The following PRLR variants were observed in gnomAD, a reference collection of about 807,000 sequenced individuals.
PRLR encodes prolactin receptor.
Under a neutral mutation model 40.2 loss-of-function variants are expected in PRLR, and 13 were observed. The observed-to-expected ratio is 0.32, with a 90% CI of 0.21 to 0.51. The LOEUF (loss-of-function observed/expected upper bound fraction) is 0.51. Ranked by LOEUF, PRLR falls within the 20% of genes least tolerant of loss-of-function variation. PRLR has a pLI of 0.97. For synonymous variants in PRLR, 269 were observed against 278.7 expected (o/e 0.97, Z 0.35); for missense variants, 656 against 747.3 (o/e 0.88, Z 1.42).
chr5:35,229,935 A>T (rs1440321065), intron 1 of PRLR, among the ~76,000 whole-genome samples: 3 of 152,144 alleles, frequency 2.0e-5, no homozygotes. Context: ...ATGCTCAAGG[A>T]TACAGGTGAA....
At chr5:35,082,688 C>A (rs1206043078) in intron 5 of PRLR, among the ~76,000 whole-genome samples, 2 of 152,182 alleles carry the variant, frequency 1.3e-5, no homozygotes, top group African/African-American at 4.8e-5. Flanking sequence ...GAGCAATTAT[C>A]TTTCAATGTT....
At chr5:35,169,475 T>C (rs901616124) in intron 1 of PRLR, among the ~76,000 whole-genome samples, 1 of 152,216 alleles carries the variant, frequency 6.6e-6, no homozygotes, top group Non-Finnish European at 1.5e-5. Flanking sequence ...ATTCTAATGA[T>C]GTAAATTAAT....
Position 35,065,104 on chromosome 5 carries a change from T to G in PRLR, c.1854A>C (p.Thr618=). Reference sequence around the variant, plus strand: ...AGTCAAGCTATCAGTGAAAGGAGTGTGTAAAACATGCGGGATCCAGGTAAT... The same window carrying G: ...AGTCAAGCTATCAGTGAAAGGAGTGGGTAAAACATGCGGGATCCAGGTAAT... ...GLDYLDPACF[T]HSFH is the part of the protein sequence containing the mutation. Residue 618 remains threonine (T), a synonymous_variant, in exon 10 of 10, where the codon ACA becomes ACC. Transcript: ENST00000618457. 6.2e-7 allele frequency: 1 copy of G among 1,612,544 alleles called. No individual in the cohort carries two copies. The highest frequency in any genetic ancestry group is 8.5e-7 in the Non-Finnish European group (1 of 1,178,870).
chr5:35,090,789 CTCTTTTTTTTTTTTTTTTTTT>C (rs1771151506), intron 2 of PRLR, among the ~76,000 whole-genome samples: 1 of 105,066 alleles, frequency 9.5e-6, no homozygotes, highest in South Asian at 3.6e-4. Flanking sequence ...CATCAATTAG[CTCTTTTTTTTTTTTTTTTTTT>C]TTTTTTTTTT....
At chr5:35,190,309 C>T (rs916943879) in intron 1 of PRLR, among the ~76,000 whole-genome samples, 7 of 152,048 alleles carry the variant, frequency 4.6e-5, no homozygotes, top group Non-Finnish European at 7.4e-5. Flanking sequence ...AACTACAGTA[C>T]TAAAAATAAT....
intron 5 of PRLR, 80 bp downstream of exon 5, chr5:35,084,390 A>T: frequency 7.3e-7 from 1 of 1,371,710 alleles, no homozygotes; most frequent in Middle Eastern, 1.9e-4. Context: ...TCCAAAACCC[A>T]AGAAGACTCA....
intron 3 of PRLR, among the ~76,000 whole-genome samples, chr5:35,086,917 C>T (rs910636325): frequency 6.6e-6 from 1 of 152,146 alleles, no homozygotes; most frequent in African/African-American, 2.4e-5. Flanking sequence ...TTCACTACAT[C>T]GCTAAAGCTC....
chr5:35,185,309 A>G (rs573047775), intron 1 of PRLR, among the ~76,000 whole-genome samples: 1 of 152,320 alleles, frequency 6.6e-6, no homozygotes, highest in Non-Finnish European at 1.5e-5. Context: ...TATACAAGGA[A>G]TGAAATTCTC....
chr5:35,147,368 A>G (rs899323464), intron 1 of PRLR, among the ~76,000 whole-genome samples: 9 of 152,182 alleles, frequency 5.9e-5, no homozygotes, highest in African/African-American at 1.7e-4. Context: ...GAGGTCTGCT[A>G]TATTTCCATC....
intron 1 of PRLR, among the ~76,000 whole-genome samples, chr5:35,161,915 C>T (rs1009482029): frequency 1.2e-4 from 18 of 152,216 alleles, no homozygotes; most frequent in African/African-American, 4.1e-4. Flanking sequence ...AGTTCTTTTC[C>T]AAAAGTCTTG....
intron 1 of PRLR, among the ~76,000 whole-genome samples, chr5:35,217,646 G>A (rs550174782): frequency 5.8e-4 from 89 of 152,292 alleles, no homozygotes; most frequent in African/African-American, 1.9e-3. Flanking sequence ...CTGGAGGACA[G>A]GAGAGGGGGA....
chr5:35,131,452 G>A (rs1195311674), intron 1 of PRLR, among the ~76,000 whole-genome samples: 3 of 152,178 alleles, frequency 2.0e-5, no homozygotes, highest in Non-Finnish European at 4.4e-5. Flanking sequence ...TGCTGGTCCA[G>A]TGGCAGTGGG....
At chr5:35,125,031 G>C (rs1032732020) in intron 1 of PRLR, among the ~76,000 whole-genome samples, 4 of 152,172 alleles carry the variant, frequency 2.6e-5, no homozygotes, top group African/African-American at 7.2e-5. Flanking sequence ...TCTATATCTA[G>C]AGTGGGTTAC....
At chr5:35,087,220 G>A (rs976676325) in intron 3 of PRLR, among the ~76,000 whole-genome samples, 1 of 152,032 alleles carries the variant, frequency 6.6e-6, no homozygotes, top group African/African-American at 2.4e-5. Context: ...TTGAACTCCT[G>A]ACCTCGTGCT....
At chr5:35,228,052 A>T (rs1387335349) in intron 1 of PRLR, among the ~76,000 whole-genome samples, 24 of 152,170 alleles carry the variant, frequency 1.6e-4, no homozygotes, top group Admixed American at 1.6e-3. Flanking sequence ...CTAGACCAGA[A>T]CTAATTTTAC....
intron 1 of PRLR, among the ~76,000 whole-genome samples, chr5:35,150,581 A>G (rs1158039688): frequency 6.6e-6 from 1 of 152,196 alleles, no homozygotes; most frequent in Non-Finnish European, 1.5e-5. Context: ...GAATTAAACC[A>G]TCTACATTTT....
intron 6 of PRLR, 45 bp downstream of exon 6, chr5:35,072,530 T>C (rs758824557): frequency 4.5e-5 from 71 of 1,578,068 alleles, no homozygotes; most frequent in South Asian, 2.9e-4. Flanking sequence ...GGCTTTATCC[T>C]TGCCAAAGGC....
chr5:35,192,380 T>G (rs1775631847), intron 1 of PRLR, among the ~76,000 whole-genome samples: 1 of 152,166 alleles, frequency 6.6e-6, no homozygotes, highest in Non-Finnish European at 1.5e-5. Flanking sequence ...CCCCACCTCT[T>G]AATTCTCTAA....
chr5:35,186,994 T>C (rs1721037011), intron 1 of PRLR, among the ~76,000 whole-genome samples: 1 of 152,120 alleles, frequency 6.6e-6, no homozygotes, highest in South Asian at 2.1e-4. Context: ...GCAGCTGGTG[T>C]GTACCAGGAA....
Sources: allele counts gnomAD v4.1 joint callset (sites outside exome capture counted in the v4.1 genomes callset), GRCh38; gene constraint gnomAD v4.1.1; transcripts MANE v1.5; gene names NCBI Gene and HGNC (gene_info 2026-07-23, HGNC 2026-07-21).